The following VAT1L variants were observed in gnomAD, a reference collection of about 807,000 sequenced individuals.
The protein encoded by VAT1L is putative NADPH-dependent quinone oxidoreductase VAT1L.
VAT1L carries 34 observed loss-of-function variants against 44.1 expected under a neutral mutation model. The observed-to-expected ratio is 0.77, with a 90% CI of 0.59 to 1.03. The LOEUF is 1.03. Among genes scored for constraint, VAT1L ranks in the 50% least tolerant of loss-of-function variants. The probability of loss-of-function intolerance (pLI) is 0.00; values close to 1 mark genes in which losing one functional copy is unlikely to be tolerated. For synonymous variants in VAT1L, 253 were observed against 202.2 expected, an observed-to-expected ratio of 1.25 and a Z score of -2.13; for missense variants, 615 against 538.8, an observed-to-expected ratio of 1.14 and a Z score of -1.40.
chr16:77,879,247 T>G lies in VAT1L; in HGVS notation c.882+23T>G. 1 of 1,610,816 alleles carries G rather than the reference T, an allele frequency of 6.2e-7. No homozygotes were observed. The highest frequency in any genetic ancestry group is 8.5e-7 in the Non-Finnish European group (1 of 1,177,032). ...TCAGTAAGTATCCAGGCACATCTGA[T>G]GTACTGTGGTGGCATGTTGATTCAC... On this transcript the variant is annotated intron_variant, in intron 6 of 8. Coordinates refer to ENST00000302536, the MANE Select transcript of VAT1L (RefSeq NM_020927.3). This position sits in a 1 kb window ranked among gnomAD's most constrained non-coding sequence, Gnocchi z 4.1.
intron 7 of VAT1L, among the ~76,000 whole-genome samples, chr16:77,888,857 T>A (rs931348044): frequency 6.6e-6 from 1 of 152,220 alleles, no homozygotes; most frequent in African/African-American, 2.4e-5. Flanking sequence ...TCTACGTTCC[T>A]GTAGCAAGAT....
rs547725396 is a variant in VAT1L at position 77,913,382 on chromosome 16, A to G, written c.1077+28580A>G. 5.3e-5 allele frequency among the ~76,000 whole-genome samples: 8 copies of G among 152,156 alleles called. No homozygotes were observed. In the South Asian group the frequency reaches 1.7e-3, roughly 32 times the overall value. ...TAATTCTTTCCTTCTATTCTCATTT[A>G]AATTTAGTCCAAGCAAACTCCTGCC... is the stretch of plus-strand genomic sequence containing the variant. On this transcript the variant is annotated intron_variant, in intron 7 of 8. Transcript: ENST00000302536.
intron 4 of VAT1L, among the ~76,000 whole-genome samples, chr16:77,868,900 T>A (rs1210271067): frequency 6.6e-6 from 1 of 152,052 alleles, no homozygotes; most frequent in Non-Finnish European, 1.5e-5. Flanking sequence ...GCCCTTCAAG[T>A]CATGAAAATA....
chr16:77,902,830 G>A (rs568147606), intron 7 of VAT1L, among the ~76,000 whole-genome samples: 2 of 151,892 alleles, frequency 1.3e-5, no homozygotes, highest in South Asian at 4.2e-4. Context: ...AAACCTAGCT[G>A]GGAATGGTTG....
At chr16:77,896,552 C>A (rs767443009) in intron 7 of VAT1L, among the ~76,000 whole-genome samples, 7 of 152,156 alleles carry the variant, frequency 4.6e-5, no homozygotes, top group Non-Finnish European at 8.8e-5. Flanking sequence ...AAATGCATTT[C>A]CCCCAGAGAG....
chr16:77,834,760 T>C (rs1168269072), intron 3 of VAT1L, among the ~76,000 whole-genome samples: 1 of 152,234 alleles, frequency 6.6e-6, no homozygotes, highest in Non-Finnish European at 1.5e-5. Context: ...TAGGCTTTTC[T>C]GCATCCCAGA....
intron 7 of VAT1L, among the ~76,000 whole-genome samples, chr16:77,895,616 A>T (rs1472344015): frequency 6.6e-6 from 1 of 152,206 alleles, no homozygotes; most frequent in Non-Finnish European, 1.5e-5. Context: ...CCCTGTTGAC[A>T]CCTTGATGTT....
At chr16:77,811,507 C>A (rs1045772280) in intron 1 of VAT1L, among the ~76,000 whole-genome samples, 1 of 152,100 alleles carries the variant, frequency 6.6e-6, no homozygotes, top group South Asian at 2.1e-4. Flanking sequence ...GCCTGGTGGT[C>A]AGAACTCAAG....
chr16:77,958,195 C>A (rs1360444985), intron 7 of VAT1L, among the ~76,000 whole-genome samples: 2 of 152,142 alleles, frequency 1.3e-5, no homozygotes, highest in Non-Finnish European at 2.9e-5. Context: ...GCATGAACCA[C>A]CATGCCTGGC....
chr16:77,917,989 G>A (rs765806371), intron 7 of VAT1L, among the ~76,000 whole-genome samples: 11 of 152,084 alleles, frequency 7.2e-5, no homozygotes, highest in Admixed American at 3.9e-4. Flanking sequence ...TCAATTATTC[G>A]TCCCCCAACT....
At chr16:77,795,602 A>G (rs2015915131) in intron 1 of VAT1L, among the ~76,000 whole-genome samples, 1 of 152,162 alleles carries the variant, frequency 6.6e-6, no homozygotes, top group Non-Finnish European at 1.5e-5. Context: ...AAGAGCAGGA[A>G]TGAAGGTGGA....
intron 7 of VAT1L, among the ~76,000 whole-genome samples, chr16:77,962,572 CATCCTATA>C (rs57778277): frequency 0.34 from 51,198 of 151,232 alleles, 8,804 homozygotes; most frequent in South Asian, 0.45. Flanking sequence ...TAGGCGGGAC[CATCCTATA>C]ATCCTATAAG....
chr16:77,871,281 G>A (rs909482196), intron 4 of VAT1L, among the ~76,000 whole-genome samples: 1 of 152,048 alleles, frequency 6.6e-6, no homozygotes, highest in African/African-American at 2.4e-5. Flanking sequence ...ATGACAGCAG[G>A]AAGGAGAGGA....
chr16:77,802,623 C>CACACACACACACACACACACAA (rs1244519583), intron 1 of VAT1L, among the ~76,000 whole-genome samples: 573 of 38,306 alleles, frequency 0.015, no homozygotes, highest in Non-Finnish European at 0.023. Flanking sequence ...CAAACACACA[C>CACACACACACACACACACACAA]ACACACACAC....
At chr16:77,953,000 T>G (rs2142525959) in intron 7 of VAT1L, among the ~76,000 whole-genome samples, 1 of 152,114 alleles carries the variant, frequency 6.6e-6, no homozygotes, top group Non-Finnish European at 1.5e-5. Context: ...ATTGCAGATA[T>G]TTAAAACGAG....
chr16:77,866,406 A>G (rs542261777), intron 4 of VAT1L, among the ~76,000 whole-genome samples: 42 of 152,178 alleles, frequency 2.8e-4, no homozygotes, highest in Non-Finnish European at 5.6e-4. Flanking sequence ...TGCCCATGGT[A>G]GCACATTGCG....
In VAT1L at chr16:77,912,558, T is replaced by TTTA. The variant is rs367798370; in HGVS notation, c.1077+27768_1077+27770dup. 2.2e-3 allele frequency among the ~76,000 whole-genome samples: 336 copies of TTTA among 152,192 alleles called. 1 individual carries two copies. Among genetic ancestry groups the TTTA allele is most frequent in the African/African-American group, 7.8e-3 (323 of 41,538 alleles). On this transcript the variant is annotated intron_variant, in intron 7 of 8. Coordinates refer to ENST00000302536, the MANE Select transcript of VAT1L (RefSeq NM_020927.3). ...TTGGCCTCCCAAAATCTACTTTATG[T>TTTA]TTATTATTATTATTTTTTACAATAG...
At chr16:77,864,824 T>C (rs2016954964) in intron 4 of VAT1L, among the ~76,000 whole-genome samples, 1 of 152,186 alleles carries the variant, frequency 6.6e-6, no homozygotes, top group Non-Finnish European at 1.5e-5. Context: ...GTTGTCCCAA[T>C]AGTTCCAGCA....
intron 7 of VAT1L, among the ~76,000 whole-genome samples, chr16:77,918,568 T>C (rs2142491782): frequency 6.6e-6 from 1 of 152,260 alleles, no homozygotes; most frequent in Middle Eastern, 3.4e-3. Flanking sequence ...AACACTAGAA[T>C]GTCAGGCCCC....
Sources: gnomAD v4.1 joint callset for allele counts (sites outside exome capture counted in the v4.1 genomes callset) on GRCh38, gnomAD v4.1.1 for gene constraint, Gnocchi (gnomAD v3.1) non-coding constraint, MANE v1.5 for transcripts, NCBI Gene and HGNC (gene_info 2026-07-23, HGNC 2026-07-21) for gene names.